GOT1: variants seen among roughly 807,000 people sequenced by gnomAD.
GOT1 encodes aspartate aminotransferase, cytoplasmic.
A neutral mutation model predicts 48.2 loss-of-function variants in GOT1; 25 were observed. The observed-to-expected ratio is 0.52, with a 90% CI of 0.38 to 0.72. GOT1 has a LOEUF of 0.72. GOT1 is among the 30% of genes least tolerant of loss of function. The probability of loss-of-function intolerance (pLI) is 0.00; values close to 1 mark genes in which losing one functional copy is unlikely to be tolerated. For missense variants in GOT1, 380 were observed against 520.1 expected (o/e 0.73, Z 2.62); for synonymous variants, 188 against 193.8 (o/e 0.97, Z 0.25).
intron 8 of GOT1, among the ~76,000 whole-genome samples, chr10:99,399,630 G>A (rs1173878330): frequency 5.3e-5 from 8 of 151,960 alleles, no homozygotes; most frequent in South Asian, 2.1e-4. Context: ...AAAATTAGCC[G>A]GGCATGGTGG....
chr10:99,420,436 G>A (rs560037980), intron 2 of GOT1, 188 bp downstream of exon 2: 287 of 548,908 alleles, frequency 5.2e-4, no homozygotes, highest in Non-Finnish European at 7.8e-4. Context: ...AACTGAACAA[G>A]TGAAAAAGCC....
chr10:99,427,504 C>T (rs946646089), intron 1 of GOT1, among the ~76,000 whole-genome samples: 42 of 152,280 alleles, frequency 2.8e-4, no homozygotes, highest in African/African-American at 9.4e-4. Context: ...CTCCTGACCT[C>T]GTGATCCGCC....
At chr10:99,402,025 G>T (rs567338983) in intron 8 of GOT1, among the ~76,000 whole-genome samples, 89 of 152,114 alleles carry the variant, frequency 5.9e-4, no homozygotes, top group Admixed American at 9.2e-4. Flanking sequence ...AGCCAGGATG[G>T]TCTTGATCTC....
intron 8 of GOT1, among the ~76,000 whole-genome samples, chr10:99,398,539 ATG>A (rs1284679525): frequency 6.6e-6 from 1 of 152,020 alleles, no homozygotes; most frequent in Non-Finnish European, 1.5e-5. Flanking sequence ...GCGTGGTGGC[ATG>A]TGCCTATGGT....
At position 99,402,863 on chromosome 10, in the gene GOT1, T is replaced by C. The variant is rs111684972; in HGVS notation, c.960-141A>G. The stretch of plus-strand genomic sequence containing the variant: ...CTATTATGGCATGTGGATGTCTGGA[T>C]GGGTGGATTAACATACCAGAGAGAG... On this transcript the variant is annotated intron_variant, in intron 7 of 8. Coordinates refer to ENST00000370508, the MANE Select transcript of GOT1 (RefSeq NM_002079.3). The C allele has an allele frequency of 7.4e-5, 50 of 677,996 alleles. No homozygotes were observed. The Middle Eastern group carries it at 2.5e-3, about 34-fold the overall frequency. 42.0% of individuals were successfully genotyped at this position (677,996 alleles called of 1,614,324 possible). A position where few individuals can be genotyped will look rare whatever the true frequency, so the allele number is the denominator to read the frequency against.
At chr10:99,408,782 G>C (rs1032316486) in intron 2 of GOT1, among the ~76,000 whole-genome samples, 10 of 152,148 alleles carry the variant, frequency 6.6e-5, no homozygotes, top group Non-Finnish European at 1.3e-4. Context: ...GGCAACCTCT[G>C]GGGAGGGGTC....
chr10:99,403,649 C>T lies in GOT1; in HGVS notation c.794-15G>A. 1 of 1,613,966 alleles carries T rather than the reference C, an allele frequency of 6.2e-7. No homozygotes were observed. Among genetic ancestry groups the T allele is most frequent in the Non-Finnish European group, 8.5e-7 (1 of 1,179,886 alleles). ...GACTCTCTCATCTAAAGAGAGGGAC[C>T]AGAATCAGCTGTGGCTGCTGAAGCA... On this transcript the variant is annotated splice_polypyrimidine_tract_variant and intron_variant, in intron 6 of 8. Transcript: ENST00000370508.
At chr10:99,419,186 G>C (rs1047266720) in intron 2 of GOT1, among the ~76,000 whole-genome samples, 1 of 152,192 alleles carries the variant, frequency 6.6e-6, no homozygotes, top group Admixed American at 6.5e-5. Context: ...ATGACTCCAA[G>C]ATGTGGTTTC....
intron 2 of GOT1, among the ~76,000 whole-genome samples, chr10:99,416,872 A>C (rs371866773): frequency 9.3e-4 from 141 of 152,206 alleles, no homozygotes; most frequent in African/African-American, 3.2e-3. Context: ...AACTGGCTAG[A>C]CATATGTAGA....
intron 2 of GOT1, among the ~76,000 whole-genome samples, chr10:99,414,082 A>G (rs1028077342): frequency 3.3e-5 from 5 of 152,230 alleles, no homozygotes; most frequent in African/African-American, 1.2e-4. Context: ...TCAAATTCAC[A>G]CATAACAATA....
chr10:99,424,015 C>T (rs2033005555), intron 1 of GOT1, among the ~76,000 whole-genome samples: 1 of 152,140 alleles, frequency 6.6e-6, no homozygotes, highest in Admixed American at 6.5e-5. Context: ...AACTTCTCAA[C>T]AAGTTCAAAA....
In GOT1 at chr10:99,414,478, T is replaced by C. The variant is rs551406039; in HGVS notation, c.300+6146A>G. Among the ~76,000 whole-genome samples, 5 of 152,102 alleles carry C rather than the reference T, an allele frequency of 3.3e-5. No homozygotes were observed. In the South Asian group the frequency reaches 1.0e-3, roughly 32 times the overall value. On this transcript the variant is annotated intron_variant, in intron 2 of 8. Transcript: ENST00000370508. ...ACCTACAAAGGGACTGAGACTCCCA[T>C]ACAATAATAATAGGAGACTTTAACA...
rs192320416 is a variant in GOT1 at position 99,414,404 on chromosome 10, T to C, written c.300+6220A>G. 4.7e-4 allele frequency among the ~76,000 whole-genome samples: 72 copies of C among 152,252 alleles called. 1 individual carries two copies. The East Asian group carries it at 0.01, about 21-fold the overall frequency. On this transcript the variant is annotated intron_variant, in intron 2 of 8. Transcript: ENST00000370508. ...AGAAGAGCTACCTATCCTAAATATA[T>C]ATGCACCCAATACAGGAGCACCCAG...
At chr10:99,417,373 C>A (rs2134105942) in intron 2 of GOT1, among the ~76,000 whole-genome samples, 1 of 152,276 alleles carries the variant, frequency 6.6e-6, no homozygotes, top group East Asian at 1.9e-4. Context: ...ATCAAAACCA[C>A]AATGAGATAC....
At chr10:99,427,560 T>C (rs139635068) in intron 1 of GOT1, among the ~76,000 whole-genome samples, 2,132 of 152,312 alleles carry the variant, frequency 0.014, 30 homozygotes, top group Non-Finnish European at 0.021. Flanking sequence ...TGAGCCACCA[T>C]GCCTGGCCCA....
chr10:99,422,503 C>T (rs1387529289), intron 1 of GOT1, among the ~76,000 whole-genome samples: 1 of 152,126 alleles, frequency 6.6e-6, no homozygotes. Context: ...TCAAACTGTA[C>T]ATAGAATTTC....
At chr10:99,421,161 T>C (rs797003338) in intron 1 of GOT1, among the ~76,000 whole-genome samples, 5 of 152,342 alleles carry the variant, frequency 3.3e-5, no homozygotes, top group African/African-American at 1.2e-4. Context: ...GCAAATGTCA[T>C]GTCAATATCA....
chr10:99,405,010 G>A (rs2032734872), intron 5 of GOT1, among the ~76,000 whole-genome samples: 1 of 152,072 alleles, frequency 6.6e-6, no homozygotes, highest in Non-Finnish European at 1.5e-5. Context: ...ACTGCCCAAA[G>A]TCTGGGCTAT....
At chr10:99,410,210 A>G (rs1377288153) in intron 2 of GOT1, among the ~76,000 whole-genome samples, 1 of 152,248 alleles carries the variant, frequency 6.6e-6, no homozygotes, top group Admixed American at 6.5e-5. Context: ...AGATGATATA[A>G]CACAAATGTG....
Sources: allele counts gnomAD v4.1 joint callset (sites outside exome capture counted in the v4.1 genomes callset), GRCh38; gene constraint gnomAD v4.1.1; transcripts MANE v1.5; gene names NCBI Gene and HGNC (gene_info 2026-07-23, HGNC 2026-07-21).